The following QPCT variants were observed in gnomAD, a reference collection of about 807,000 sequenced individuals.
QPCT encodes the protein glutaminyl-peptide cyclotransferase, also known as EC.
Under a neutral mutation model 43.4 loss-of-function variants are expected in QPCT, and 44 were observed. The observed-to-expected ratio is 1.01, with a 90% CI of 0.80 to 1.30. QPCT has a LOEUF of 1.30. Among genes scored for constraint, QPCT ranks in the 50% most tolerant of loss-of-function variants. The pLI is 0.00. For missense variants in QPCT, 526 were observed against 436.5 expected (o/e 1.21, Z -1.83); for synonymous variants, 168 against 168.4 (o/e 1.00, Z 0.02).
chr2:37,367,837 C>A (rs1039772341), intron 4 of QPCT, among the ~76,000 whole-genome samples: 2 of 152,074 alleles, frequency 1.3e-5, no homozygotes, highest in Non-Finnish European at 2.9e-5. Context: ...CCATTGCACT[C>A]CAGCCTGGGT....
chr2:37,353,565 T>A (rs1439970766), intron 2 of QPCT, among the ~76,000 whole-genome samples: 1 of 152,236 alleles, frequency 6.6e-6, no homozygotes, highest in Non-Finnish European at 1.5e-5. Context: ...TCTTAAAAAA[T>A]GCTGGTCATA....
intron 1 of QPCT, among the ~76,000 whole-genome samples, chr2:37,346,991 G>C (rs3770755): frequency 0.6 from 89,197 of 148,770 alleles, 27,431 homozygotes; most frequent in East Asian, 0.91. Flanking sequence ...CAGATCAACT[G>C]TAGTTTATGG....
At chr2:37,347,750 T>C (rs1672534056) in intron 1 of QPCT, among the ~76,000 whole-genome samples, 1 of 152,172 alleles carries the variant, frequency 6.6e-6, no homozygotes, top group Non-Finnish European at 1.5e-5. Context: ...CCCATTCCTT[T>C]AGTACAACAT....
intron 2 of QPCT, 47 bp from the exon 3 acceptor site, chr2:37,359,533 A>C: frequency 6.5e-7 from 1 of 1,541,074 alleles, no homozygotes; most frequent in South Asian, 1.2e-5. Flanking sequence ...TAACAAATGA[A>C]AGCCATTTCT....
At chr2:37,347,633 C>A (rs1672532511) in intron 1 of QPCT, among the ~76,000 whole-genome samples, 1 of 152,106 alleles carries the variant, frequency 6.6e-6, no homozygotes, top group South Asian at 2.1e-4. Flanking sequence ...CTCCTTCATG[C>A]AGCTTAAAGG....
intron 1 of QPCT, among the ~76,000 whole-genome samples, chr2:37,352,534 G>A (rs1480858868): frequency 1.3e-5 from 2 of 152,068 alleles, no homozygotes; most frequent in Admixed American, 1.3e-4. Flanking sequence ...GTCTCATTAT[G>A]TTGCCAGGGC....
intron 3 of QPCT, among the ~76,000 whole-genome samples, chr2:37,362,555 G>C (rs1232136726): frequency 6.6e-6 from 1 of 152,168 alleles, no homozygotes; most frequent in Non-Finnish European, 1.5e-5. Flanking sequence ...AGATGATAAA[G>C]ACAATTTTTT....
Position 37,373,016 on chromosome 2 carries a change from G to C in QPCT, c.*189G>C. On this transcript the variant is annotated 3_prime_UTR_variant, in exon 7 of 7. Transcript: ENST00000338415. ...GTGTTGTGATATTGTGTCCTAAATT[G>C]CTCATTAATTTTTATTTACAGATTG... The C allele has an allele frequency of 2.2e-6, 1 of 446,488 alleles. No individual in the cohort carries two copies. Among genetic ancestry groups the C allele is most frequent in the Non-Finnish European group, 3.8e-6 (1 of 265,034 alleles). 27.7% of individuals were successfully genotyped at this position (446,488 alleles called of 1,614,324 possible). A position where few individuals can be genotyped will look rare whatever the true frequency, so the allele number is the denominator to read the frequency against.
At chr2:37,352,757 T>C (rs1431350022) in intron 1 of QPCT, 32 bp from the exon 2 acceptor site, 7 of 1,607,228 alleles carry the variant, frequency 4.4e-6, no homozygotes, top group South Asian at 1.1e-5. Flanking sequence ...TATGAAAGGA[T>C]AGCTAGTTAA....
intron 5 of QPCT, among the ~76,000 whole-genome samples, chr2:37,372,105 A>G (rs1217191547): frequency 1.3e-5 from 2 of 151,518 alleles, no homozygotes; most frequent in African/African-American, 4.9e-5. Flanking sequence ...TGGAGTTTCT[A>G]CCTCTAAGGA....
intron 3 of QPCT, 68 bp from the exon 4 acceptor site, chr2:37,367,164 T>A (rs1347991169): frequency 2.0e-6 from 3 of 1,481,900 alleles, no homozygotes; most frequent in Non-Finnish European, 1.8e-6. Context: ...GCCCAATTAA[T>A]AGAAAATCAT....
At chr2:37,368,547 A>G (rs941449859) in intron 4 of QPCT, 1 of 470,524 alleles carries the variant, frequency 2.1e-6, no homozygotes, top group African/African-American at 2.0e-5. Context: ...TTCGCCCTAT[A>G]AAAGTACAAA....
intron 1 of QPCT, among the ~76,000 whole-genome samples, chr2:37,345,279 C>T (rs1182092597): frequency 6.7e-6 from 1 of 149,628 alleles, no homozygotes; most frequent in African/African-American, 2.4e-5. Context: ...CACAGCCCCC[C>T]CGCTGCTTCA....
chr2:37,354,221 CAT>C (rs1672692525), intron 2 of QPCT, among the ~76,000 whole-genome samples: 1 of 152,208 alleles, frequency 6.6e-6, no homozygotes, highest in Non-Finnish European at 1.5e-5. Context: ...CCTAGATATC[CAT>C]ATGTCTGTGT....
intron 3 of QPCT, among the ~76,000 whole-genome samples, chr2:37,363,635 A>G (rs1672898603): frequency 7.1e-6 from 1 of 141,574 alleles, no homozygotes; most frequent in Admixed American, 7.0e-5. Flanking sequence ...TGTCTCTTAA[A>G]TAAATAAATA....
chr2:37,359,823 G>T lies in QPCT; in HGVS notation c.511G>T (p.Ala171Ser), dbSNP rs760459706. 4 of 1,614,056 alleles carry T rather than the reference G, an allele frequency of 2.5e-6. No homozygotes were observed. Among genetic ancestry groups the T allele is most frequent in the African/African-American group, 2.7e-5 (2 of 74,920 alleles). The change falls in exon 3 of 7, where the codon GCT becomes TCT. Residue 171 changes from alanine to serine, a missense_variant. Coordinates refer to ENST00000338415, the MANE Select transcript of QPCT (RefSeq NM_012413.4). ...GCCATGTGCAATGATGTTGGAACTT[G>T]CTCGTGCCTTAGACAAGAAACTCCT... ...AVPCAMMLELARALDKKLLSL... is the reference protein window; with the variant it reads ...AVPCAMMLELSRALDKKLLSL...
At chr2:37,370,431 G>A (rs1232493050) in intron 5 of QPCT, among the ~76,000 whole-genome samples, 2 of 152,158 alleles carry the variant, frequency 1.3e-5, no homozygotes, top group South Asian at 2.1e-4. Context: ...TTTGAAGCAG[G>A]TAGAATGCGT....
Position 37,367,351 on chromosome 2 carries a change from G to A in QPCT, c.666G>A (p.Lys222=), listed in dbSNP as rs781074685. 1 of 1,614,048 alleles carries A rather than the reference G, an allele frequency of 6.2e-7. No individual in the cohort carries two copies. The highest frequency in any genetic ancestry group is 1.7e-5 in the Admixed American group (1 of 60,014). Residue 222 remains lysine, a synonymous_variant, in exon 4 of 7, where the codon AAG becomes AAA. Coordinates refer to ENST00000338415, the MANE Select transcript of QPCT (RefSeq NM_012413.4). ...SLYGSRHLAA[K]MASTPHPPGA... ...ATGGGTCTCGACACTTAGCTGCAAA[G>A]ATGGCATCGACCCCGCACCCACCTG... is the stretch of plus-strand genomic sequence containing the variant.
In QPCT at chr2:37,347,166, CAT is replaced by C. The variant is rs1331443177; in HGVS notation, c.120+2327_120+2328del. Among the ~76,000 whole-genome samples, 64 of 31,178 alleles carry C rather than the reference CAT, an allele frequency of 2.1e-3. 16 individuals are homozygous for C. In the East Asian group the frequency reaches 0.15, roughly 71 times the overall value. The allele number at this position is 31,178 out of a possible 152,430, so 20.5% of individuals were successfully genotyped here. A position where few individuals can be genotyped will look rare whatever the true frequency, so the allele number is the denominator to read the frequency against. On this transcript the variant is annotated intron_variant, in intron 1 of 6. Transcript: ENST00000338415. ...GTTTTATATATATATATATATATAA[CAT>C]ATATATATATAACATATATATATAA...
Sources: gnomAD v4.1 joint callset for allele counts (sites outside exome capture counted in the v4.1 genomes callset) on GRCh38, gnomAD v4.1.1 for gene constraint, MANE v1.5 for transcripts, NCBI Gene and HGNC (gene_info 2026-07-23, HGNC 2026-07-21) for gene names.